Variants in DIAPH1 observed in about 807,000 individuals in gnomAD.
DIAPH1 encodes diaphanous related formin 1.
A neutral mutation model predicts 140.7 loss-of-function variants in DIAPH1; 46 were observed. The observed-to-expected ratio is 0.33, with a 90% CI of 0.26 to 0.42. The LOEUF (loss-of-function observed/expected upper bound fraction) is 0.42. Ranked by LOEUF, DIAPH1 falls within the 10% of genes least tolerant of loss-of-function variation. The pLI, the probability that DIAPH1 is intolerant of heterozygous loss-of-function variation, is 1.00. For synonymous variants in DIAPH1, 565 were observed against 551.6 expected (o/e 1.02, Z -0.34); for missense variants, 1,310 against 1,558.7 (o/e 0.84, Z 2.69).
At chr5:141,600,477 C>T (rs1242309812) in intron 1 of DIAPH1, among the ~76,000 whole-genome samples, 2 of 152,098 alleles carry the variant, frequency 1.3e-5, no homozygotes, top group East Asian at 1.9e-4. Context: ...CAATAGGAAA[C>T]CAATACATTA....
At chr5:141,591,085 C>G (rs1047728558) in intron 1 of DIAPH1, among the ~76,000 whole-genome samples, 2 of 152,112 alleles carry the variant, frequency 1.3e-5, no homozygotes, top group African/African-American at 4.8e-5. Context: ...CTTTTCCCCC[C>G]AGTCTCATCT....
At chr5:141,566,484 A>G (rs887249356) in intron 18 of DIAPH1, among the ~76,000 whole-genome samples, 2 of 152,222 alleles carry the variant, frequency 1.3e-5, no homozygotes, top group Non-Finnish European at 2.9e-5. Context: ...GTTGGTTTTT[A>G]GGAATTGTTT....
rs1452409979 is a variant in DIAPH1, at chr5:141,603,029, A to T, written c.118-14779T>A. Reference sequence around the variant, plus strand: ...GTACCTCAGAGGAAAGGAAGTCTAGAAGAGGGGCACAAAATGACCAGGAAT... The same window carrying T: ...GTACCTCAGAGGAAAGGAAGTCTAGTAGAGGGGCACAAAATGACCAGGAAT... On this transcript the variant is annotated intron_variant, in intron 1 of 27. Coordinates refer to ENST00000389054, the MANE Select transcript of DIAPH1 (RefSeq NM_005219.5). Among the ~76,000 whole-genome samples the T allele has an allele frequency of 2.0e-5, 3 of 152,356 alleles. No homozygotes were observed. The South Asian group carries it at 6.2e-4, about 32-fold the overall frequency.
chr5:141,568,677 G>C (rs568996410), intron 18 of DIAPH1, among the ~76,000 whole-genome samples: 1 of 152,290 alleles, frequency 6.6e-6, no homozygotes, highest in East Asian at 1.9e-4. Context: ...AGGCAAATGT[G>C]CAGAGTGAGG....
rs2099885723 is a variant in DIAPH1, at chr5:141,516,643, C to T, written c.*208G>A. 4.8e-6 allele frequency: 3 copies of T among 626,146 alleles called. No homozygotes were observed. Among genetic ancestry groups the T allele is most frequent in the Non-Finnish European group, 8.4e-6 (3 of 355,314 alleles). 38.8% of individuals were successfully genotyped at this position (626,146 alleles called of 1,614,324 possible). ...CAGGGCTGGCTAAGTCGGGCTCAGG[C>T]CTCCCCTGCACTGCCCTTTCCTTCT... On this transcript the variant is annotated 3_prime_UTR_variant, in exon 28 of 28. Transcript: ENST00000389054.
chr5:141,594,076 C>T (rs192916170), intron 1 of DIAPH1, among the ~76,000 whole-genome samples: 11 of 152,288 alleles, frequency 7.2e-5, no homozygotes, highest in Admixed American at 3.9e-4. Flanking sequence ...GATTTATAGG[C>T]GTGAGCCACC....
At chr5:141,609,799 A>G (rs1218897688) in intron 1 of DIAPH1, among the ~76,000 whole-genome samples, 1 of 152,188 alleles carries the variant, frequency 6.6e-6, no homozygotes, top group East Asian at 1.9e-4. Context: ...AATACAGGAA[A>G]ACAAAAGGTT....
chr5:141,525,821 CA>C (rs2099887255), intron 26 of DIAPH1, among the ~76,000 whole-genome samples: 1 of 151,968 alleles, frequency 6.6e-6, no homozygotes, highest in African/African-American at 2.4e-5. Flanking sequence ...CAAGAGCGAG[CA>C]AAGGAGAGAA....
In DIAPH1 at chr5:141,551,532, A is replaced by T. The variant is rs146497503; in HGVS notation, c.2483-17099T>A. Among the ~76,000 whole-genome samples the T allele has an allele frequency of 8.1e-4, 123 of 152,332 alleles. 2 individuals carry two copies. Among genetic ancestry groups the T allele is most frequent in the African/African-American group, 2.8e-3 (118 of 41,584 alleles). ...ATACACATACATAAATAACACACAC[A>T]GAGAGAGAAAAGGGTAAGACAAAGG... On this transcript the variant is annotated intron_variant, in intron 18 of 27. Coordinates refer to ENST00000389054, the MANE Select transcript of DIAPH1 (RefSeq NM_005219.5).
intron 18 of DIAPH1, among the ~76,000 whole-genome samples, chr5:141,567,135 C>G (rs1269235338): frequency 2.6e-5 from 4 of 152,028 alleles, no homozygotes; most frequent in Non-Finnish European, 5.9e-5. Context: ...TGAAGGATGA[C>G]CCAGGAGTCT....
intron 7 of DIAPH1, chr5:141,581,996 C>G: frequency 4.3e-6 from 1 of 233,744 alleles, no homozygotes; most frequent in South Asian, 5.5e-5. Flanking sequence ...GGATGTGGAG[C>G]TTGCAGTGAG....
chr5:141,551,097 T>C (rs1430209918), intron 18 of DIAPH1, among the ~76,000 whole-genome samples: 3 of 152,220 alleles, frequency 2.0e-5, no homozygotes, highest in African/African-American at 7.2e-5. Context: ...ATAACAGTAT[T>C]GCACTTATGT....
At chr5:141,526,540 TGA>T in intron 24 of DIAPH1, 79 bp from the exon 25 acceptor site, 1 of 1,562,346 alleles carries the variant, frequency 6.4e-7, no homozygotes, top group South Asian at 1.1e-5. Context: ...TACTCAAAGA[TGA>T]GTACTGGCAT....
Position 141,588,241 on chromosome 5 carries a change from G to A in DIAPH1, c.127C>T (p.Arg43Trp), listed in dbSNP as rs1305661080. ...GGKSKKFTLK[R>W]LMADELERFT... is the part of the protein sequence containing the mutation. ...GTCCTTACCTCATCTGCCATGAGCC[G>A]CTTCAGAGTCTAGGAAACAGGAAAA... Residue 43 changes from arginine to tryptophan, a missense_variant, in exon 2 of 28, where the codon CGG (arginine) becomes TGG (tryptophan). Coordinates refer to ENST00000389054, the MANE Select transcript of DIAPH1 (RefSeq NM_005219.5). 1.6e-5 allele frequency: 25 copies of A among 1,611,884 alleles called. No individual in the cohort carries two copies. Among genetic ancestry groups the A allele is most frequent in the South Asian group, 7.7e-5 (7 of 90,996 alleles).
chr5:141,578,337 G>A lies in DIAPH1; in HGVS notation c.1051C>T (p.Arg351Ter), dbSNP rs755174598. 1.9e-6 allele frequency: 3 copies of A among 1,612,708 alleles called. No homozygotes were observed. The highest frequency in any genetic ancestry group is 1.7e-6 in the Non-Finnish European group (2 of 1,178,818). The change falls in exon 11 of 28, where the codon CGA becomes TGA. Residue 351 changes from arginine (R) to a stop codon, truncating the protein, a stop_gained. Coordinates refer to ENST00000389054, the MANE Select transcript of DIAPH1 (RefSeq NM_005219.5). LOFTEE classifies it high-confidence loss of function. ...CTCATATCTTCATTTTCAATCTCTC[G>A]AAGGTCCTGTCAACAACAAAAGTAG... ...LGLHQVLQDL[R>*]EIENEDMRVQ...
Position 141,526,481 on chromosome 5 carries a change from G to C in DIAPH1, c.3274-20C>G. 6.2e-7 allele frequency: 1 copy of C among 1,613,826 alleles called. No individual in the cohort carries two copies. Among genetic ancestry groups the C allele is most frequent in the Non-Finnish European group, 8.5e-7 (1 of 1,179,924 alleles). On this transcript the variant is annotated intron_variant, in intron 24 of 27. Coordinates refer to ENST00000389054, the MANE Select transcript of DIAPH1 (RefSeq NM_005219.5). ...AAAGCTGTGCAGCCAAGGAGTAAAG[G>C]ACCAAGACCAAGACCAAGAAGCAGA...
At chr5:141,576,113 AT>A in intron 14 of DIAPH1, 116 bp downstream of exon 14, 1 of 857,788 alleles carries the variant, frequency 1.2e-6, no homozygotes, top group Non-Finnish European at 2.0e-6. Flanking sequence ...GAACTACACT[AT>A]TGGGTGCTAA....
chr5:141,538,632 C>T (rs1214067606), intron 18 of DIAPH1, among the ~76,000 whole-genome samples: 1 of 151,880 alleles, frequency 6.6e-6, no homozygotes, highest in Non-Finnish European at 1.5e-5. Flanking sequence ...GGGGTTTCAC[C>T]ATGTTGGCCA....
At chr5:141,529,395 G>A (rs1051099320) in intron 20 of DIAPH1, 122 bp from the exon 21 acceptor site, 13 of 952,590 alleles carry the variant, frequency 1.4e-5, no homozygotes, top group Non-Finnish European at 2.2e-5. Flanking sequence ...GAAACATATG[G>A]TGGGAGAAGA....
Sources: allele counts gnomAD v4.1 joint callset (sites outside exome capture counted in the v4.1 genomes callset), GRCh38; gene constraint gnomAD v4.1.1; transcripts MANE v1.5; gene names NCBI Gene and HGNC (gene_info 2026-07-23, HGNC 2026-07-21).